Variants in TMEM164 observed in about 807,000 individuals in gnomAD.
TMEM164 encodes RP13-360B22.2.
Under a neutral mutation model 18.8 loss-of-function variants are expected in TMEM164, and 4 were observed. The ratio of observed to expected loss-of-function variants is 0.21; its 90% CI spans 0.10 to 0.49. TMEM164 has a LOEUF of 0.49. TMEM164 is among the 20% of genes least tolerant of loss of function. The probability of loss-of-function intolerance (pLI) is 0.98; values close to 1 mark genes in which losing one functional copy is unlikely to be tolerated. For synonymous variants in TMEM164, 86 were observed against 101.7 expected (o/e 0.85, Z 0.93); for missense variants, 108 against 239.9 (o/e 0.45, Z 3.63).
chrX:110,113,074 T>C (rs1332423748), intron 4 of TMEM164, among the ~76,000 whole-genome samples: 1 of 111,162 alleles, frequency 9.0e-6, no homozygotes, highest in East Asian at 2.8e-4. Flanking sequence ...TTTTCCGCCA[T>C]CTCATAGCAG....
intron 3 of TMEM164, among the ~76,000 whole-genome samples, chrX:110,095,358 C>T (rs922364601): frequency 1.8e-5 from 2 of 111,945 alleles, no homozygotes; most frequent in African/African-American, 6.5e-5. Flanking sequence ...TCCCATATTT[C>T]TTGGAGGCTT....
rs3082762 is a variant in TMEM164, at chrX:110,024,991, G to GGTGT, written c.390+20852_390+20855dup. Among the ~76,000 whole-genome samples the GGTGT allele has an allele frequency of 5.6e-3, 560 of 100,167 alleles. 3 individuals are homozygous for GGTGT. The highest frequency in any genetic ancestry group is 0.02 in the Middle Eastern group (4 of 196). The allele number at this position is 100,167 out of a possible 115,157, so 87.0% of individuals were successfully genotyped here. Reference sequence around the variant, plus strand: ...AATTTTTATGTTGTTGTTATTGTTGGGTGTGTGTGTGTGTGTGTGTGTGTG... The same window carrying GGTGT: ...AATTTTTATGTTGTTGTTATTGTTGGGTGTGTGTGTGTGTGTGTGTGTGTGTGTG... On this transcript the variant is annotated intron_variant, in intron 2 of 6. Transcript: ENST00000372068.
intron 5 of TMEM164, among the ~76,000 whole-genome samples, chrX:110,151,362 G>A (rs2066936087): frequency 9.0e-6 from 1 of 110,893 alleles, no homozygotes; most frequent in Non-Finnish European, 1.9e-5. Flanking sequence ...GAGAGTGTCT[G>A]TTTCTACACA....
intron 5 of TMEM164, among the ~76,000 whole-genome samples, chrX:110,161,125 C>T (rs2148112871): frequency 8.9e-6 from 1 of 112,380 alleles, no homozygotes; most frequent in Non-Finnish European, 1.9e-5. Flanking sequence ...CTTGAGTGGG[C>T]TTTCAGCTCA....
intron 3 of TMEM164, among the ~76,000 whole-genome samples, chrX:110,088,547 T>C (rs1466120172): frequency 1.8e-5 from 2 of 112,115 alleles, no homozygotes; most frequent in African/African-American, 3.2e-5. Context: ...TAAAGAGCGA[T>C]TCAGGGAGAC....
intron 2 of TMEM164, among the ~76,000 whole-genome samples, chrX:110,050,895 G>A (rs1481714634): frequency 8.9e-6 from 1 of 112,519 alleles, no homozygotes; most frequent in Admixed American, 9.4e-5. Context: ...GTATCAAGGC[G>A]CCTAGTTTGG....
intron 6 of TMEM164, among the ~76,000 whole-genome samples, chrX:110,172,367 C>T (rs780082468): frequency 8.9e-6 from 1 of 112,120 alleles, no homozygotes; most frequent in South Asian, 3.7e-4. Flanking sequence ...AGTAATGTAG[C>T]ATTAGCCATG....
At chrX:110,103,186 G>A (rs2066137322) in intron 3 of TMEM164, among the ~76,000 whole-genome samples, 2 of 112,381 alleles carry the variant, frequency 1.8e-5, no homozygotes, top group Admixed American at 1.9e-4. Flanking sequence ...TCAGTCAGAT[G>A]TGGCCACAAG....
intron 3 of TMEM164, among the ~76,000 whole-genome samples, chrX:110,082,543 C>G (rs1472040933): frequency 8.9e-6 from 1 of 111,835 alleles, no homozygotes; most frequent in Non-Finnish European, 1.9e-5. Context: ...TTTGCACTTA[C>G]TATCCTGCTA....
At chrX:110,037,753 G>A (rs1466491898) in intron 2 of TMEM164, among the ~76,000 whole-genome samples, 1 of 111,923 alleles carries the variant, frequency 8.9e-6, no homozygotes, top group Non-Finnish European at 1.9e-5. Flanking sequence ...AGGGCCGATA[G>A]CAAATTTCTA....
At chrX:110,075,512 G>C (rs1204778802) in intron 3 of TMEM164, among the ~76,000 whole-genome samples, 1 of 111,386 alleles carries the variant, frequency 9.0e-6, no homozygotes, top group Admixed American at 9.6e-5. Context: ...GGAATGGTGA[G>C]AGCGGGCATC....
chrX:110,009,708 C>T (rs1430990962), intron 2 of TMEM164, among the ~76,000 whole-genome samples: 1 of 111,656 alleles, frequency 9.0e-6, no homozygotes, highest in Non-Finnish European at 1.9e-5. Flanking sequence ...TTAAGAGAAT[C>T]TTCCAGCCAG....
At chrX:110,081,082 T>G (rs1315848441) in intron 3 of TMEM164, among the ~76,000 whole-genome samples, 1 of 110,198 alleles carries the variant, frequency 9.1e-6, no homozygotes, top group Non-Finnish European at 1.9e-5. Flanking sequence ...TGTGTGGAAA[T>G]ACCATGTTGA....
chrX:110,053,756 A>T (rs138126548), intron 2 of TMEM164, among the ~76,000 whole-genome samples: 2 of 111,606 alleles, frequency 1.8e-5, no homozygotes, highest in African/African-American at 6.5e-5. Flanking sequence ...CCTGTTCTAC[A>T]TATTTTTCTG....
chrX:110,022,204 T>A (rs1933918880), intron 2 of TMEM164, among the ~76,000 whole-genome samples: 1 of 111,391 alleles, frequency 9.0e-6, no homozygotes, highest in Admixed American at 9.5e-5. Flanking sequence ...TAGAAATGTG[T>A]GTGTGTGTGT....
chrX:110,077,129 G>A (rs968553827), intron 3 of TMEM164, among the ~76,000 whole-genome samples: 3 of 112,146 alleles, frequency 2.7e-5, no homozygotes, highest in African/African-American at 6.5e-5. Context: ...TTATGAATTT[G>A]GGTGCTCCAA....
At chrX:110,155,365 C>T (rs1367859222) in intron 5 of TMEM164, among the ~76,000 whole-genome samples, 1 of 110,481 alleles carries the variant, frequency 9.1e-6, no homozygotes, top group African/African-American at 3.3e-5. Flanking sequence ...TCAAAAATAA[C>T]AATTAGACTC....
chrX:110,072,043 G>A (rs1020776495), intron 3 of TMEM164, among the ~76,000 whole-genome samples: 15 of 110,056 alleles, frequency 1.4e-4, no homozygotes, highest in African/African-American at 5.0e-4. Context: ...GTGGGTGCCT[G>A]TAATCCCAGC....
In TMEM164 at chrX:110,125,565, G is replaced by A. The variant is rs185430837; in HGVS notation, c.507+16419G>A. 4.0e-4 allele frequency among the ~76,000 whole-genome samples: 45 copies of A among 112,110 alleles called. No individual in the cohort carries two copies. The East Asian group carries it at 0.013, about 32-fold the overall frequency. ...AGGGGCACTGCAATCAAAGGGCTGGGGGCCCCCAGAGTCCTGGCTCAGGAG... is the reference window on the plus strand; with the variant it reads ...AGGGGCACTGCAATCAAAGGGCTGGAGGCCCCCAGAGTCCTGGCTCAGGAG... On this transcript the variant is annotated intron_variant, in intron 4 of 6. Coordinates refer to ENST00000372068, the MANE Select transcript of TMEM164 (RefSeq NM_032227.4).
Sources: allele counts gnomAD v4.1 joint callset (sites outside exome capture counted in the v4.1 genomes callset), GRCh38; gene constraint gnomAD v4.1.1; transcripts MANE v1.5; gene names NCBI Gene and HGNC (gene_info 2026-07-23, HGNC 2026-07-21).